Variants in CACNA2D1 observed in about 807,000 individuals in gnomAD.
The protein encoded by CACNA2D1 is calcium voltage-gated channel auxiliary subunit alpha2delta 1.
Under a neutral mutation model 171.5 loss-of-function variants are expected in CACNA2D1, and 53 were observed. The observed-to-expected ratio is 0.31, with a 90% CI of 0.25 to 0.39. The LOEUF (loss-of-function observed/expected upper bound fraction) is 0.39, where lower values mean the gene tolerates loss of function less well. CACNA2D1 is among the 10% of genes least tolerant of loss of function. The probability of loss-of-function intolerance (pLI) is 1.00; values close to 1 mark genes in which losing one functional copy is unlikely to be tolerated. For missense variants in CACNA2D1, 903 were observed against 1,299.8 expected, an observed-to-expected ratio of 0.69 and a Z score of 4.69; for synonymous variants, 442 against 443.1, an observed-to-expected ratio of 1.00 and a Z score of 0.03.
intron 3 of CACNA2D1, among the ~76,000 whole-genome samples, chr7:82,289,688 T>C (rs1811277594): frequency 6.6e-6 from 1 of 152,252 alleles, no homozygotes; most frequent in Non-Finnish European, 1.5e-5. Context: ...AACAAATACT[T>C]GGCTCTGAAA....
chr7:82,259,041 C>T (rs538589625), intron 3 of CACNA2D1, among the ~76,000 whole-genome samples: 1 of 152,156 alleles, frequency 6.6e-6, no homozygotes, highest in African/African-American at 2.4e-5. Flanking sequence ...GTTGGCCAGG[C>T]TGGTCTTGAA....
intron 18 of CACNA2D1, chr7:82,001,734 G>A: frequency 8.9e-7 from 1 of 1,129,132 alleles, no homozygotes; most frequent in Non-Finnish European, 1.2e-6. Context: ...ACAGAAAAAT[G>A]GTAATTCATC....
intron 3 of CACNA2D1, among the ~76,000 whole-genome samples, chr7:82,270,195 T>G (rs1156444209): frequency 1.3e-5 from 2 of 152,158 alleles, no homozygotes; most frequent in Non-Finnish European, 2.9e-5. Context: ...GTTTTTTGCT[T>G]TTTTAGTATT....
At chr7:82,366,903 C>CTTTTTTTT (rs71093376) in intron 1 of CACNA2D1, among the ~76,000 whole-genome samples, 4 of 86,942 alleles carry the variant, frequency 4.6e-5, no homozygotes, top group African/African-American at 7.7e-5. Flanking sequence ...TGGTTTTGAC[C>CTTTTTTTT]TTTTTTTTTT....
intron 6 of CACNA2D1, among the ~76,000 whole-genome samples, chr7:82,105,447 T>C (rs147360148): frequency 0.027 from 4,066 of 147,990 alleles, 70 homozygotes; most frequent in South Asian, 0.067. Flanking sequence ...GCTGAAAATT[T>C]ATGACGGTCA....
rs148542713 is a variant in CACNA2D1, at chr7:82,116,122, G to A, written c.526+922C>T. 7.9e-5 allele frequency among the ~76,000 whole-genome samples: 12 copies of A among 152,214 alleles called. No individual in the cohort carries two copies. The East Asian group carries it at 1.9e-3, about 25-fold the overall frequency. On this transcript the variant is annotated intron_variant, in intron 6 of 38. Transcript: ENST00000356860. ...TACAAGAAACACGTTCTTTACAATC[G>A]CAAGCAGTTCTTTCCCCTTACCCTT...
intron 6 of CACNA2D1, among the ~76,000 whole-genome samples, chr7:82,089,575 A>G (rs1024452179): frequency 1.3e-5 from 2 of 152,188 alleles, no homozygotes; most frequent in African/African-American, 4.8e-5. Context: ...TTGTTTACTT[A>G]GTTTTAAAAA....
intron 1 of CACNA2D1, among the ~76,000 whole-genome samples, chr7:82,423,451 CA>C (rs1350420632): frequency 1.3e-5 from 2 of 152,124 alleles, no homozygotes; most frequent in African/African-American, 4.8e-5. Context: ...CTTTTCACTG[CA>C]GTATCAAAAT....
chr7:82,218,223 C>T (rs548272090), intron 3 of CACNA2D1, among the ~76,000 whole-genome samples: 16 of 152,160 alleles, frequency 1.1e-4, no homozygotes, highest in Admixed American at 9.2e-4. Flanking sequence ...TGTAAGCCAC[C>T]GTGTCCGGCC....
At chr7:82,217,907 T>C (rs1352561661) in intron 3 of CACNA2D1, among the ~76,000 whole-genome samples, 3 of 145,604 alleles carry the variant, frequency 2.1e-5, no homozygotes, top group Non-Finnish European at 4.5e-5. Context: ...TCACCAAGAC[T>C]ACATTATTTA....
At chr7:82,395,396 C>T (rs1316685435) in intron 1 of CACNA2D1, among the ~76,000 whole-genome samples, 1 of 152,112 alleles carries the variant, frequency 6.6e-6, no homozygotes, top group Admixed American at 6.6e-5. Flanking sequence ...TGCATACTTG[C>T]CAGGGGTTAT....
In CACNA2D1 at chr7:82,292,373, C is replaced by T. The variant is rs190054750; in HGVS notation, c.294+42762G>A. On this transcript the variant is annotated intron_variant, in intron 3 of 38. Coordinates refer to ENST00000356860, the MANE Select transcript of CACNA2D1 (RefSeq NM_000722.4). Reference sequence around the variant, plus strand: ...GACATCAGTAATTGCCTTGCTTCTTCGTTTCCAATTTCCTGTTTCTTTAAA... The same window carrying T: ...GACATCAGTAATTGCCTTGCTTCTTTGTTTCCAATTTCCTGTTTCTTTAAA... 6.6e-5 allele frequency among the ~76,000 whole-genome samples: 10 copies of T among 152,268 alleles called. No individual in the cohort carries two copies. The East Asian group carries it at 1.2e-3, about 18-fold the overall frequency.
At chr7:82,210,121 A>G (rs1260288812) in intron 3 of CACNA2D1, among the ~76,000 whole-genome samples, 2 of 152,116 alleles carry the variant, frequency 1.3e-5, no homozygotes, top group African/African-American at 4.8e-5. Context: ...GTGCCTGGCA[A>G]ATGGCTTGCA....
chr7:82,387,303 A>G (rs1824518787), intron 1 of CACNA2D1, among the ~76,000 whole-genome samples: 1 of 152,156 alleles, frequency 6.6e-6, no homozygotes, highest in African/African-American at 2.4e-5. Context: ...TATTCTTCAA[A>G]ATTTAAAGCA....
intron 1 of CACNA2D1, among the ~76,000 whole-genome samples, chr7:82,405,230 A>G (rs980122230): frequency 6.6e-6 from 1 of 152,198 alleles, no homozygotes; most frequent in Non-Finnish European, 1.5e-5. Context: ...ATGCCTAATT[A>G]GACAATAGTA....
At chr7:82,082,969 A>G (rs1202876270) in intron 7 of CACNA2D1, among the ~76,000 whole-genome samples, 2 of 151,906 alleles carry the variant, frequency 1.3e-5, no homozygotes, top group African/African-American at 4.8e-5. Context: ...TCATAATACA[A>G]CTTATCTTTC....
At chr7:82,400,522 A>G (rs1382214540) in intron 1 of CACNA2D1, among the ~76,000 whole-genome samples, 1 of 151,744 alleles carries the variant, frequency 6.6e-6, no homozygotes, top group Admixed American at 6.6e-5. Context: ...CTAAAACTGG[A>G]TCCCTTCCTT....
chr7:82,002,750 T>C (rs1798736293), intron 18 of CACNA2D1, among the ~76,000 whole-genome samples: 3 of 152,048 alleles, frequency 2.0e-5, no homozygotes, highest in Admixed American at 6.6e-5. Flanking sequence ...TCAACATACG[T>C]CAAAATGTGG....
At chr7:82,437,153 G>A (rs1341370687) in intron 1 of CACNA2D1, among the ~76,000 whole-genome samples, 2 of 152,044 alleles carry the variant, frequency 1.3e-5, no homozygotes, top group Non-Finnish European at 2.9e-5. Context: ...GGTAACTTAA[G>A]AGAAACACAT....
Sources: gnomAD v4.1 joint callset for allele counts (sites outside exome capture counted in the v4.1 genomes callset) on GRCh38, gnomAD v4.1.1 for gene constraint, MANE v1.5 for transcripts, NCBI Gene and HGNC (gene_info 2026-07-23, HGNC 2026-07-21) for gene names.